SLC8A3: variants seen among roughly 807,000 people sequenced by gnomAD.
SLC8A3 encodes solute carrier family 8 member A3.
Under a neutral mutation model 65.4 loss-of-function variants are expected in SLC8A3, and 37 were observed. That is an observed-to-expected ratio of 0.57 (90% CI 0.44 to 0.74). The LOEUF (loss-of-function observed/expected upper bound fraction) is 0.74, where lower values mean the gene tolerates loss of function less well. Ranked by LOEUF, SLC8A3 falls within the 30% of genes least tolerant of loss-of-function variation. SLC8A3 has a pLI of 0.00. For missense variants in SLC8A3, 1,112 were observed against 1,172.1 expected (o/e 0.95, Z 0.75); for synonymous variants, 461 against 444.5 (o/e 1.04, Z -0.47).
At chr14:70,051,157 C>A in intron 4 of SLC8A3, 50 bp from the exon 5 acceptor site, 1 of 1,236,842 alleles carries the variant, frequency 8.1e-7, no homozygotes, top group Non-Finnish European at 1.2e-6. Context: ...TGCTCAGAAC[C>A]AATGAGGAGT....
chr14:70,188,146 GC>G (rs140212115), intron 1 of SLC8A3, among the ~76,000 whole-genome samples: 2,015 of 151,944 alleles, frequency 0.013, 39 homozygotes, highest in African/African-American at 0.046. Context: ...TGCCAGATCT[GC>G]CCCCCCAACA....
intron 2 of SLC8A3, among the ~76,000 whole-genome samples, chr14:70,143,560 C>G (rs1213881582): frequency 6.6e-6 from 1 of 152,076 alleles, no homozygotes; most frequent in Admixed American, 6.6e-5. Context: ...GATATCCCAG[C>G]CCCACGTCAA....
Position 70,168,229 on chromosome 14 carries a change from G to T in SLC8A3, c.194C>A (p.Pro65Gln). 1 of 1,614,126 alleles carries T rather than the reference G, an allele frequency of 6.2e-7. No individual in the cohort carries two copies. The highest frequency in any genetic ancestry group is 8.5e-7 in the Non-Finnish European group (1 of 1,180,008). The change falls in exon 2 of 7, where the codon CCG becomes CAG. Residue 65 changes from proline (P) to glutamine (Q), a missense_variant. Transcript: ENST00000356921. ...KEGVILPIWY[P>Q]ENPSLGDKIA... is the part of the protein sequence containing the mutation. ...CTTGTCCCCAAGGGAAGGGTTCTCC[G>T]GGTACCAGATTGGCAGGATGACACC...
chr14:70,066,683 T>G (rs1889466544), intron 2 of SLC8A3, among the ~76,000 whole-genome samples: 1 of 152,172 alleles, frequency 6.6e-6, no homozygotes, highest in African/African-American at 2.4e-5. Context: ...TGGTGGTGCA[T>G]GCCTGTAATC....
At chr14:70,172,674 TAAAAAAG>T (rs1897623133) in intron 1 of SLC8A3, among the ~76,000 whole-genome samples, 1 of 135,482 alleles carries the variant, frequency 7.4e-6, no homozygotes, top group South Asian at 2.3e-4. Flanking sequence ...GCTGGTGGAT[TAAAAAAG>T]AAAAAAAAAA....
intron 2 of SLC8A3, among the ~76,000 whole-genome samples, chr14:70,102,903 A>G (rs1251041184): frequency 6.6e-6 from 1 of 151,998 alleles, no homozygotes; most frequent in Non-Finnish European, 1.5e-5. Flanking sequence ...TAATTGGCTT[A>G]AATTTTTCCA....
At chr14:70,188,151 C>T (rs890855853) in intron 1 of SLC8A3, among the ~76,000 whole-genome samples, 1 of 152,188 alleles carries the variant, frequency 6.6e-6, no homozygotes, top group African/African-American at 2.4e-5. Context: ...GATCTGCCCC[C>T]CCAACACTGC....
At chr14:70,120,624 C>T (rs1893991014) in intron 2 of SLC8A3, among the ~76,000 whole-genome samples, 1 of 152,120 alleles carries the variant, frequency 6.6e-6, no homozygotes, top group Non-Finnish European at 1.5e-5. Context: ...GTGTAGCAGC[C>T]AGGGGGTTGA....
At chr14:70,178,593 A>G (rs973689209) in intron 1 of SLC8A3, among the ~76,000 whole-genome samples, 2 of 152,216 alleles carry the variant, frequency 1.3e-5, no homozygotes, top group Non-Finnish European at 2.9e-5. Flanking sequence ...AAATATTGAG[A>G]TTAACTTCAA....
chr14:70,187,346 A>T (rs1017385726), intron 1 of SLC8A3: 2 of 170,352 alleles, frequency 1.2e-5, no homozygotes, highest in African/African-American at 4.8e-5. Flanking sequence ...AGAGAGAGAG[A>T]GAGAGAAGGA....
At chr14:70,169,025 C>G (rs1419725076) in intron 1 of SLC8A3, among the ~76,000 whole-genome samples, 1 of 152,104 alleles carries the variant, frequency 6.6e-6, no homozygotes, top group Non-Finnish European at 1.5e-5. Context: ...AGGATTATAC[C>G]AAGTGACTGT....
intron 2 of SLC8A3, among the ~76,000 whole-genome samples, chr14:70,079,675 A>T (rs1173360981): frequency 1.3e-5 from 2 of 151,878 alleles, no homozygotes; most frequent in Admixed American, 1.3e-4. Context: ...TGGGAAATGC[A>T]GCCTTGCCAA....
At position 70,049,018 on chromosome 14, in the gene SLC8A3, G is replaced by A; in HGVS notation, c.2138C>T (p.Ser713Phe). The A allele has an allele frequency of 6.2e-7, 1 of 1,612,666 alleles. No individual in the cohort carries two copies. The highest frequency in any genetic ancestry group is 2.2e-5 in the East Asian group (1 of 44,844). The part of the protein sequence containing the change: ...SAAGDEDEDE[S>F]GEERLPSCFD... ...GCAGGAGGGCAGCCTCTCCTCCCCG[G>A]ATTCATCCTCATCCTCATCCCCTGC... The change falls in exon 6 of 7, where the codon TCC becomes TTC. Residue 713 changes from serine (S) to phenylalanine (F), a missense_variant. Ser to Phe is a radical substitution (Grantham distance 155). Transcript: ENST00000356921.
chr14:70,184,150 A>G (rs12433054), intron 1 of SLC8A3, among the ~76,000 whole-genome samples: 1 of 152,038 alleles, frequency 6.6e-6, no homozygotes. Context: ...GAGTCTGTAC[A>G]TTGAAACAGA....
rs535199525 is a variant in SLC8A3, at chr14:70,049,098, T to G, written c.2114-56A>C. ...GGTAACGAAGTCAGATAATCATTCA[T>G]GAGAAAGTCAAGCCCAACCCGCACC... On this transcript the variant is annotated intron_variant, in intron 5 of 6. Coordinates refer to ENST00000356921, the MANE Select transcript of SLC8A3 (RefSeq NM_182932.3). 9 of 1,535,486 alleles carry G rather than the reference T, an allele frequency of 5.9e-6. No homozygotes were observed. The South Asian group carries it at 6.2e-5, about 11-fold the overall frequency.
At chr14:70,179,600 C>T (rs1268484798) in intron 1 of SLC8A3, among the ~76,000 whole-genome samples, 1 of 152,164 alleles carries the variant, frequency 6.6e-6, no homozygotes, top group Non-Finnish European at 1.5e-5. Context: ...TGTTCATTCT[C>T]AAGAACCAAT....
intron 1 of SLC8A3, among the ~76,000 whole-genome samples, chr14:70,169,301 G>A (rs147194454): frequency 6.6e-6 from 1 of 152,308 alleles, no homozygotes; most frequent in African/African-American, 2.4e-5. Flanking sequence ...CAGAGGCCAT[G>A]TAAGTTGTGC....
chr14:70,178,299 G>A (rs1029373151), intron 1 of SLC8A3, among the ~76,000 whole-genome samples: 4 of 152,200 alleles, frequency 2.6e-5, no homozygotes, highest in African/African-American at 9.7e-5. Context: ...ATAACCATTT[G>A]TGGATTCAAT....
At chr14:70,079,238 C>T (rs1482990058) in intron 2 of SLC8A3, among the ~76,000 whole-genome samples, 1 of 148,266 alleles carries the variant, frequency 6.7e-6, no homozygotes, top group East Asian at 2.0e-4. Context: ...AACCACAGCA[C>T]TTTGGGATGT....
Sources: allele counts gnomAD v4.1 joint callset (sites outside exome capture counted in the v4.1 genomes callset), GRCh38; gene constraint gnomAD v4.1.1; transcripts MANE v1.5; gene names NCBI Gene and HGNC (gene_info 2026-07-23, HGNC 2026-07-21).